Variants in EDN2 observed in about 807,000 individuals in gnomAD.
EDN2 encodes the protein endothelin 2, also known as endothelin-2.
A neutral mutation model predicts 19.9 loss-of-function variants in EDN2; 10 were observed. The observed-to-expected ratio is 0.50, with a 90% CI of 0.31 to 0.85. The LOEUF (loss-of-function observed/expected upper bound fraction) is 0.85, where lower values mean the gene tolerates loss of function less well. Among genes scored for constraint, EDN2 ranks in the 40% least tolerant of loss-of-function variants. EDN2 has a pLI of 0.05. For missense variants in EDN2, 222 were observed against 239.3 expected, an observed-to-expected ratio of 0.93 and a Z score of 0.48; for synonymous variants, 84 against 94.9, an observed-to-expected ratio of 0.89 and a Z score of 0.67.
chr1:41,484,000 A>G, intron 2 of EDN2, 47 bp downstream of exon 2: 1 of 1,536,512 alleles, frequency 6.5e-7, no homozygotes, highest in Admixed American at 2.0e-5. Context: ...CCACCCTGAC[A>G]CCCTGCCCCA....
intron 2 of EDN2, 104 bp downstream of exon 2, chr1:41,483,943 C>G: frequency 7.9e-7 from 1 of 1,258,920 alleles, no homozygotes; most frequent in East Asian, 2.6e-5. Context: ...TCTGGAGGCC[C>G]AGGGAGAGAT....
chr1:41,484,606 G>A lies in EDN2; in HGVS notation c.-5C>T. ...GGTGGTAGGCACGGAGACCATAGCGGCGGTGGAGCGCGCAGGCTGGACTGG... is the reference window on the plus strand; with the variant it reads ...GGTGGTAGGCACGGAGACCATAGCGACGGTGGAGCGCGCAGGCTGGACTGG... On this transcript the variant is annotated 5_prime_UTR_variant, in exon 1 of 5. Transcript: ENST00000372587. The A allele has an allele frequency of 1.9e-6, 3 of 1,555,288 alleles. No individual in the cohort carries two copies. The highest frequency in any genetic ancestry group is 2.6e-6 in the Non-Finnish European group (3 of 1,149,102).
intron 4 of EDN2, 179 bp downstream of exon 4, chr1:41,480,916 C>G: frequency 1.5e-6 from 1 of 652,166 alleles, no homozygotes; most frequent in South Asian, 1.7e-5. Flanking sequence ...AGCACAGACT[C>G]TGGGGTCAGC....
intron 4 of EDN2, 151 bp from the exon 5 acceptor site, chr1:41,479,653 C>T (rs1644230594): frequency 1.5e-6 from 1 of 662,958 alleles, no homozygotes; most frequent in African/African-American, 1.8e-5. Flanking sequence ...AGCCTGAAAA[C>T]AAGGTCTGCA....
intron 2 of EDN2, among the ~76,000 whole-genome samples, chr1:41,483,599 C>T (rs1203649374): frequency 2.0e-5 from 3 of 152,176 alleles, no homozygotes; most frequent in East Asian, 1.9e-4. Context: ...TGATCATGCA[C>T]GTGCAGTGCT....
intron 2 of EDN2, among the ~76,000 whole-genome samples, chr1:41,483,347 G>T (rs1052338241): frequency 2.0e-5 from 3 of 152,250 alleles, no homozygotes; most frequent in South Asian, 2.1e-4. Flanking sequence ...ATGCGGATTA[G>T]CTTCACACAC....
intron 2 of EDN2, chr1:41,482,840 C>T (rs1644260020): frequency 3.1e-6 from 1 of 321,558 alleles, no homozygotes; most frequent in Non-Finnish European, 5.5e-6. Context: ...GCAAGACCCT[C>T]CCCTTCTCTG....
At chr1:41,479,547 C>A in intron 4 of EDN2, 45 bp from the exon 5 acceptor site, 1 of 1,552,548 alleles carries the variant, frequency 6.4e-7, no homozygotes, top group Non-Finnish European at 8.9e-7. Flanking sequence ...GAGATATGGA[C>A]TGTCCAAGAG....
intron 4 of EDN2, 110 bp from the exon 5 acceptor site, chr1:41,479,612 C>A: frequency 1.1e-6 from 1 of 922,676 alleles, no homozygotes; most frequent in East Asian, 2.6e-5. Flanking sequence ...ATCCTGGGGT[C>A]ACAGCGGCCC....
rs1644226464 is a variant in EDN2, at chr1:41,479,302, C to T, written c.*107G>A. On this transcript the variant is annotated 3_prime_UTR_variant, in exon 5 of 5. Coordinates refer to ENST00000372587, the MANE Select transcript of EDN2 (RefSeq NM_001956.5). ...GGCAAATGGGTCCAGCTGTCTGGGACCAAGGCCCCGGTCCAGGAAGCAGGC... is the reference window on the plus strand; with the variant it reads ...GGCAAATGGGTCCAGCTGTCTGGGATCAAGGCCCCGGTCCAGGAAGCAGGC... 9.0e-6 allele frequency: 9 copies of T among 1,000,256 alleles called. No individual in the cohort carries two copies. In the East Asian group the frequency reaches 1.5e-4, roughly 17 times the overall value. The allele number at this position is 1,000,256 out of a possible 1,614,324, so 62.0% of individuals were successfully genotyped here. A position where few individuals can be genotyped will look rare whatever the true frequency, so the allele number is the denominator to read the frequency against.
At chr1:41,483,232 C>T (rs888377737) in intron 2 of EDN2, among the ~76,000 whole-genome samples, 1 of 152,210 alleles carries the variant, frequency 6.6e-6, no homozygotes, top group African/African-American at 2.4e-5. Context: ...CCAGCACTTT[C>T]GAGTGACAGA....
Position 41,484,139 on chromosome 1 carries a change from G to A in EDN2, c.129C>T (p.His43=). 1.9e-6 allele frequency: 3 copies of A among 1,613,704 alleles called. No individual in the cohort carries two copies. The highest frequency in any genetic ancestry group is 2.5e-6 in the Non-Finnish European group (3 of 1,180,022). The change falls in exon 2 of 5, where the codon CAC becomes CAT. Residue 43 remains histidine (H), a synonymous_variant. Transcript: ENST00000372587. The part of the protein sequence containing the change: ...PASSSHAQGT[H]LRLRRCSCSS... Reference sequence around the variant, plus strand: ...TGCAGGAGCAACGGCGAAGCCGAAGGTGGGTGCCTTGGGCATGAGATGAGG... The same window carrying A: ...TGCAGGAGCAACGGCGAAGCCGAAGATGGGTGCCTTGGGCATGAGATGAGG...
chr1:41,482,645 GA>G, intron 2 of EDN2, 57 bp from the exon 3 acceptor site: 5 of 1,493,850 alleles, frequency 3.3e-6, no homozygotes, highest in South Asian at 2.6e-5. Flanking sequence ...GAGAGAGAGA[GA>G]AAAAAATAAA....
intron 1 of EDN2, 129 bp from the exon 2 acceptor site, chr1:41,484,332 C>A: frequency 7.4e-7 from 1 of 1,350,658 alleles, no homozygotes; most frequent in Non-Finnish European, 1.0e-6. Context: ...TGCTCAAGAG[C>A]TCCAGGCCAG....
At chr1:41,483,149 A>T (rs1271268042) in intron 2 of EDN2, 1 of 149,880 alleles carries the variant, frequency 6.7e-6, no homozygotes, top group Non-Finnish European at 1.5e-5. Flanking sequence ...GTGTGTTCAG[A>T]TGGGATTAAT....
Position 41,478,835 on chromosome 1 carries a change from A to G in EDN2, c.*574T>C, listed in dbSNP as rs1332778434. 2 of 172,094 alleles carry G rather than the reference A, an allele frequency of 1.2e-5. No individual in the cohort carries two copies. The highest frequency in any genetic ancestry group is 2.5e-5 in the Non-Finnish European group (2 of 78,628). The allele number at this position is 172,094 out of a possible 1,614,324, so 10.7% of individuals were successfully genotyped here. ...GGTAAATAGAGGGTCTAAAAAATAC[A>G]TTAAAATAAATAATTGGGATTCTCA... On this transcript the variant is annotated 3_prime_UTR_variant, in exon 5 of 5. Coordinates refer to ENST00000372587, the MANE Select transcript of EDN2 (RefSeq NM_001956.5).
chr1:41,480,435 C>T (rs1171537738), intron 4 of EDN2, among the ~76,000 whole-genome samples: 1 of 152,230 alleles, frequency 6.6e-6, no homozygotes, highest in Non-Finnish European at 1.5e-5. Context: ...CATCTGACCT[C>T]ACAGCAACCC....
chr1:41,480,997 G>T, intron 4 of EDN2, 98 bp downstream of exon 4: 1 of 1,011,752 alleles, frequency 9.9e-7, no homozygotes, highest in Non-Finnish European at 1.5e-6. Flanking sequence ...TCTCTTTGCT[G>T]CCCAATGAGG....
In EDN2 at chr1:41,479,388, A is replaced by G. The variant is rs763559396; in HGVS notation, c.*21T>C. 2.2e-5 allele frequency: 36 copies of G among 1,604,622 alleles called. No individual in the cohort carries two copies. Among genetic ancestry groups the G allele is most frequent in the Middle Eastern group, 1.6e-4 (1 of 6,066 alleles). On this transcript the variant is annotated 3_prime_UTR_variant, in exon 5 of 5. Coordinates refer to ENST00000372587, the MANE Select transcript of EDN2 (RefSeq NM_001956.5). ...TCTCTCCCCGCGGGCTTCCTTCCCA[A>G]TGTTCCTCCAGCTCACGACACTATC...
Sources: gnomAD v4.1 joint callset for allele counts (sites outside exome capture counted in the v4.1 genomes callset) on GRCh38, gnomAD v4.1.1 for gene constraint, MANE v1.5 for transcripts, NCBI Gene and HGNC (gene_info 2026-07-23, HGNC 2026-07-21) for gene names.